Variants in NFIB observed in about 807,000 individuals in gnomAD.
NFIB encodes nuclear factor I B.
NFIB carries 11 observed loss-of-function variants against 61.5 expected under a neutral mutation model. The ratio of observed to expected loss-of-function variants is 0.18; its 90% confidence interval spans 0.11 to 0.30. NFIB has a LOEUF of 0.30. Ranked by LOEUF, NFIB falls within the 10% of genes least tolerant of loss-of-function variation. The pLI is 1.00. For missense variants in NFIB, 471 were observed against 608.9 expected (o/e 0.77, Z 2.38); for synonymous variants, 260 against 216.5 (o/e 1.20, Z -1.76).
chr9:14,458,474 T>C, the NFIB span, among the ~76,000 whole-genome samples: 1 of 152,322 alleles, frequency 6.6e-6, no homozygotes, highest in Non-Finnish European at 1.5e-5. Context: ...GGATGCCCTC[T>C]CTCACCACTC....
chr9:14,109,430 GA>G (rs1725008459), intron 10 of NFIB, among the ~76,000 whole-genome samples: 1 of 151,954 alleles, frequency 6.6e-6, no homozygotes, highest in Non-Finnish European at 1.5e-5. Context: ...CCACATTTCT[GA>G]AAATGTTCCA....
chr9:14,203,369 T>A (rs77225165), intron 2 of NFIB, among the ~76,000 whole-genome samples: 2,050 of 152,288 alleles, frequency 0.013, 49 homozygotes, highest in African/African-American at 0.044. Flanking sequence ...ACCTAAAGTA[T>A]CTGCATAAAC....
chr9:14,461,445 G>A, the NFIB span, among the ~76,000 whole-genome samples: 1 of 152,172 alleles, frequency 6.6e-6, no homozygotes, highest in African/African-American at 2.4e-5. Flanking sequence ...TCTCTGCCAA[G>A]CCTCATCTTA....
chr9:14,146,618 G>C (rs969417122), intron 6 of NFIB, 71 bp downstream of exon 6: 23 of 1,601,956 alleles, frequency 1.4e-5, no homozygotes, highest in Non-Finnish European at 2.6e-6. Context: ...ATGAAATTTT[G>C]ACTCAACGAA....
chr9:14,483,610 G>C, the NFIB span, among the ~76,000 whole-genome samples: 3 of 152,192 alleles, frequency 2.0e-5, no homozygotes, highest in African/African-American at 7.2e-5. Context: ...AGTTTGACGA[G>C]AGTACCTGCC....
At chr9:14,359,390 A>T (rs565748395) in intron 1 of NFIB, among the ~76,000 whole-genome samples, 1 of 152,244 alleles carries the variant, frequency 6.6e-6, no homozygotes. Context: ...CCAAAGAGAC[A>T]TAAAGATAAG....
chr9:14,134,717 C>T (rs1294190214), intron 6 of NFIB, among the ~76,000 whole-genome samples: 2 of 151,490 alleles, frequency 1.3e-5, no homozygotes, highest in African/African-American at 4.9e-5. Flanking sequence ...GCCAACATGG[C>T]GAATCCCCAT....
chr9:14,319,228 T>C (rs1048323863), intron 1 of NFIB, among the ~76,000 whole-genome samples: 26 of 151,442 alleles, frequency 1.7e-4, no homozygotes, highest in Admixed American at 9.9e-4. Context: ...TGTGTCTACA[T>C]TTCTAGCATA....
chr9:14,373,834 T>C (rs76066417), intron 1 of NFIB, among the ~76,000 whole-genome samples: 9,050 of 152,228 alleles, frequency 0.059, 329 homozygotes, highest in Non-Finnish European at 0.085. Flanking sequence ...TCATTTTAAT[T>C]ATGTTTCAAT....
At chr9:14,184,118 T>C (rs1033074140) in intron 2 of NFIB, among the ~76,000 whole-genome samples, 1 of 152,088 alleles carries the variant, frequency 6.6e-6, no homozygotes, top group South Asian at 2.1e-4. Flanking sequence ...GAGTGAGCAG[T>C]TTTTCCTATG....
the NFIB span, among the ~76,000 whole-genome samples, chr9:14,449,725 T>C: frequency 6.6e-6 from 1 of 150,978 alleles, no homozygotes; most frequent in Non-Finnish European, 1.5e-5. Flanking sequence ...AGGTCAGGAG[T>C]TTGAGACCAG....
At chr9:14,418,204 C>A in the NFIB span, among the ~76,000 whole-genome samples, 68 of 152,308 alleles carry the variant, frequency 4.5e-4, no homozygotes, top group African/African-American at 1.6e-3. Context: ...ATCTTCTCGT[C>A]CCTGCACCCC....
chr9:14,185,643 TG>T (rs761575276), intron 2 of NFIB, among the ~76,000 whole-genome samples: 20 of 152,166 alleles, frequency 1.3e-4, no homozygotes, highest in Non-Finnish European at 2.6e-4. Flanking sequence ...TTAAGTCAAA[TG>T]AACAGAAAAC....
At chr9:14,268,099 C>T (rs968031277) in intron 2 of NFIB, among the ~76,000 whole-genome samples, 8 of 146,050 alleles carry the variant, frequency 5.5e-5, no homozygotes, top group African/African-American at 1.8e-4. Context: ...CACGCCTGGC[C>T]GACATAGCAA....
chr9:14,230,183 A>G (rs1210339716), intron 2 of NFIB, among the ~76,000 whole-genome samples: 1 of 152,216 alleles, frequency 6.6e-6, no homozygotes, highest in African/African-American at 2.4e-5. Flanking sequence ...GCAGAGTACA[A>G]TTATAATATT....
intron 1 of NFIB, among the ~76,000 whole-genome samples, chr9:14,387,305 G>C (rs1341399269): frequency 1.3e-5 from 2 of 152,182 alleles, no homozygotes; most frequent in Non-Finnish European, 2.9e-5. Flanking sequence ...AGCAAGCACG[G>C]TGACATCATT....
chr9:14,202,282 T>C (rs1357639957), intron 2 of NFIB, among the ~76,000 whole-genome samples: 2 of 152,058 alleles, frequency 1.3e-5, no homozygotes, highest in African/African-American at 4.8e-5. Flanking sequence ...GCAGAATGTG[T>C]AAAGGTGGTA....
At chr9:14,457,180 T>G in the NFIB span, among the ~76,000 whole-genome samples, 2 of 152,144 alleles carry the variant, frequency 1.3e-5, no homozygotes, top group Non-Finnish European at 2.9e-5. Flanking sequence ...AAAAACATAT[T>G]AGGAGCTAAT....
At chr9:14,322,812 T>A (rs1229337151) in intron 1 of NFIB, among the ~76,000 whole-genome samples, 1 of 151,226 alleles carries the variant, frequency 6.6e-6, no homozygotes. Flanking sequence ...GCGGTGGGGC[T>A]CTGGTCTTTG....
Sources: allele counts gnomAD v4.1 joint callset (sites outside exome capture counted in the v4.1 genomes callset), GRCh38; gene constraint gnomAD v4.1.1; transcripts MANE v1.5; gene names NCBI Gene and HGNC (gene_info 2026-07-23, HGNC 2026-07-21).